Variants in CNTNAP2 observed in about 807,000 individuals in gnomAD.
CNTNAP2 encodes contactin-associated protein-like 2.
In CNTNAP2, 98 loss-of-function variants were observed where a neutral mutation model predicts 155.2. The ratio of observed to expected loss-of-function variants is 0.63; its 90% CI spans 0.54 to 0.75. The LOEUF (loss-of-function observed/expected upper bound fraction) is 0.75. Ranked by LOEUF, CNTNAP2 falls within the 30% of genes least tolerant of loss-of-function variation. The pLI is 0.00. For synonymous variants in CNTNAP2, 651 were observed against 631.2 expected, an observed-to-expected ratio of 1.03 and a Z score of -0.47; for missense variants, 1,727 against 1,688.1, an observed-to-expected ratio of 1.02 and a Z score of -0.40.
chr7:147,883,794 A>G (rs969445933), intron 13 of CNTNAP2, among the ~76,000 whole-genome samples: 1 of 152,228 alleles, frequency 6.6e-6, no homozygotes, highest in Non-Finnish European at 1.5e-5. Context: ...GAAAAAAGAA[A>G]TAGAATAATG....
At chr7:148,176,211 C>CTTTTTTTTTTTT (rs1188113801) in intron 18 of CNTNAP2, among the ~76,000 whole-genome samples, 2 of 92,792 alleles carry the variant, frequency 2.2e-5, no homozygotes, top group African/African-American at 4.3e-5. Flanking sequence ...CTTTCTTTCT[C>CTTTTTTTTTTTT]TTTTTTTTTT....
At chr7:146,685,693 A>G (rs1013514290) in intron 1 of CNTNAP2, among the ~76,000 whole-genome samples, 1 of 151,910 alleles carries the variant, frequency 6.6e-6, no homozygotes, top group African/African-American at 2.4e-5. Context: ...CCTGAGGTGC[A>G]AAAGATGGTT....
At chr7:146,638,271 G>T (rs967427515) in intron 1 of CNTNAP2, among the ~76,000 whole-genome samples, 8 of 152,036 alleles carry the variant, frequency 5.3e-5, no homozygotes, top group Non-Finnish European at 8.8e-5. Flanking sequence ...CTGTATCCCT[G>T]CAGTGTTCAG....
chr7:147,652,543 G>C (rs1360846734), intron 13 of CNTNAP2, among the ~76,000 whole-genome samples: 1 of 152,126 alleles, frequency 6.6e-6, no homozygotes, highest in Non-Finnish European at 1.5e-5. Flanking sequence ...AAATCTCTGT[G>C]AGTTGTATAT....
chr7:146,155,885 G>T (rs1459511207), intron 1 of CNTNAP2, among the ~76,000 whole-genome samples: 2 of 151,486 alleles, frequency 1.3e-5, no homozygotes, highest in Non-Finnish European at 2.9e-5. Context: ...TGTATTTTTA[G>T]TTAAGATGGG....
At chr7:148,287,939 G>C (rs1468880242) in intron 21 of CNTNAP2, among the ~76,000 whole-genome samples, 2 of 147,156 alleles carry the variant, frequency 1.4e-5, no homozygotes, top group Non-Finnish European at 3.0e-5. Flanking sequence ...TTACAGGCAC[G>C]TGCCACCACG....
At chr7:147,811,724 C>A (rs866103691) in intron 13 of CNTNAP2, among the ~76,000 whole-genome samples, 9 of 152,288 alleles carry the variant, frequency 5.9e-5, no homozygotes, top group South Asian at 2.1e-4. Flanking sequence ...GATCCCCATA[C>A]ATTTTACTCG....
At chr7:146,628,312 C>A (rs895418649) in intron 1 of CNTNAP2, among the ~76,000 whole-genome samples, 2 of 151,968 alleles carry the variant, frequency 1.3e-5, no homozygotes, top group Non-Finnish European at 2.9e-5. Context: ...TTATCATATG[C>A]GGAATCTATG....
intron 14 of CNTNAP2, among the ~76,000 whole-genome samples, chr7:147,932,439 G>A (rs1403184398): frequency 2.0e-5 from 3 of 152,124 alleles, no homozygotes; most frequent in Non-Finnish European, 2.9e-5. Context: ...CAATAGAGAT[G>A]CCAAGAACAG....
intron 2 of CNTNAP2, among the ~76,000 whole-genome samples, chr7:146,795,422 T>C (rs554013109): frequency 2.0e-5 from 3 of 152,300 alleles, no homozygotes; most frequent in South Asian, 2.1e-4. Flanking sequence ...AAGAAGAGGA[T>C]TCACATGTAA....
chr7:147,128,727 C>T lies in CNTNAP2; in HGVS notation c.974C>T (p.Pro325Leu), dbSNP rs1801288955. 1 of 1,613,974 alleles carries T rather than the reference C, an allele frequency of 6.2e-7. No individual in the cohort carries two copies. Among genetic ancestry groups the T allele is most frequent in the Non-Finnish European group, 8.5e-7 (1 of 1,179,930 alleles). Reference sequence around the variant, plus strand: ...GGAGGCATCCCTTTCTCTGGCAAGCCCAGCTCCAGCAGTAGAAAGAATTTC... The same window carrying T: ...GGAGGCATCCCTTTCTCTGGCAAGCTCAGCTCCAGCAGTAGAAAGAATTTC... Reference protein sequence around the residue: ...TFGGIPFSGKPSSSSRKNFKG... With the variant: ...TFGGIPFSGKLSSSSRKNFKG... Residue 325 changes from proline (P) to leucine (L), a missense_variant, in exon 7 of 24, where the codon CCC (proline) becomes CTC (leucine). Transcript: ENST00000361727.
intron 13 of CNTNAP2, among the ~76,000 whole-genome samples, chr7:147,681,806 A>G (rs1262433334): frequency 6.6e-6 from 1 of 151,898 alleles, no homozygotes; most frequent in African/African-American, 2.4e-5. Context: ...AGAGAGAGAG[A>G]GAGAGAGACT....
intron 13 of CNTNAP2, among the ~76,000 whole-genome samples, chr7:147,868,470 ACACTGTGCTGGGAGAAC>A (rs1411195518): frequency 6.6e-6 from 1 of 152,168 alleles, no homozygotes; most frequent in Non-Finnish European, 1.5e-5. Flanking sequence ...CAGAGCTCAA[ACACTGTGCTGGGAGAAC>A]CACTGCTCTC....
At chr7:147,255,682 C>T (rs1201878685) in intron 8 of CNTNAP2, among the ~76,000 whole-genome samples, 1 of 152,158 alleles carries the variant, frequency 6.6e-6, no homozygotes, top group Admixed American at 6.5e-5. Flanking sequence ...AACCACTCTT[C>T]CTTTTGTTTT....
intron 13 of CNTNAP2, among the ~76,000 whole-genome samples, chr7:147,686,515 G>A (rs1423672461): frequency 6.6e-6 from 1 of 151,956 alleles, no homozygotes; most frequent in Non-Finnish European, 1.5e-5. Flanking sequence ...TGTGGAATTG[G>A]TATTTAAATC....
intron 1 of CNTNAP2, among the ~76,000 whole-genome samples, chr7:146,436,824 A>G (rs953731150): frequency 1.3e-5 from 2 of 151,720 alleles, no homozygotes; most frequent in Non-Finnish European, 2.9e-5. Context: ...ATTCCGTTAT[A>G]TTAAAGAATG....
chr7:146,169,545 A>G (rs1475659794), intron 1 of CNTNAP2, among the ~76,000 whole-genome samples: 1 of 152,188 alleles, frequency 6.6e-6, no homozygotes, highest in Non-Finnish European at 1.5e-5. Context: ...TCAAGTATAC[A>G]GTATAGTATA....
chr7:146,395,766 C>G (rs1429041467), intron 1 of CNTNAP2, among the ~76,000 whole-genome samples: 1 of 89,458 alleles, frequency 1.1e-5, no homozygotes, highest in African/African-American at 4.6e-5. Flanking sequence ...AAATGATGAT[C>G]TAGATAGACA....
intron 9 of CNTNAP2, among the ~76,000 whole-genome samples, chr7:147,332,734 C>A (rs1305250196): frequency 1.3e-5 from 2 of 151,994 alleles, no homozygotes; most frequent in Non-Finnish European, 2.9e-5. Context: ...TGGTAGTGCA[C>A]ACCTGTAATC....
Sources: gnomAD v4.1 joint callset for allele counts (sites outside exome capture counted in the v4.1 genomes callset) on GRCh38, gnomAD v4.1.1 for gene constraint, MANE v1.5 for transcripts, NCBI Gene and HGNC (gene_info 2026-07-23, HGNC 2026-07-21) for gene names.